Variants in SLC24A2 observed in about 807,000 individuals in gnomAD.
SLC24A2 encodes solute carrier family 24 member 2, also known as sodium/potassium/calcium exchanger 2.
A neutral mutation model predicts 62.0 loss-of-function variants in SLC24A2; 36 were observed. That is an observed-to-expected ratio of 0.58 (90% CI 0.44 to 0.77). The LOEUF (loss-of-function observed/expected upper bound fraction) is 0.77. SLC24A2 is among the 30% of genes least tolerant of loss of function. The pLI is 0.00. For missense variants in SLC24A2, 846 were observed against 817.9 expected, an observed-to-expected ratio of 1.03 and a Z score of -0.42; for synonymous variants, 358 against 294.0, an observed-to-expected ratio of 1.22 and a Z score of -2.23.
At chr9:20,307,160 G>C in the SLC24A2 span, among the ~76,000 whole-genome samples, 1 of 152,084 alleles carries the variant, frequency 6.6e-6, no homozygotes, top group African/African-American at 2.4e-5. Context: ...ATTTGTCACA[G>C]ATAGAAAGTA....
chr9:19,927,203 G>GT, the SLC24A2 span: 5 of 152,286 alleles, frequency 3.3e-5, no homozygotes, highest in Non-Finnish European at 5.9e-5. Context: ...AGCCGGCATC[G>GT]TAAGTCCCCA....
chr9:20,147,103 C>G, the SLC24A2 span, among the ~76,000 whole-genome samples: 1 of 152,162 alleles, frequency 6.6e-6, no homozygotes, highest in Non-Finnish European at 1.5e-5. Flanking sequence ...TCCTGGTTTA[C>G]TGTTTACCTT....
At chr9:19,658,569 G>A (rs777045197) in intron 2 of SLC24A2, among the ~76,000 whole-genome samples, 34 of 152,248 alleles carry the variant, frequency 2.2e-4, no homozygotes, top group Admixed American at 5.2e-4. Context: ...ACTGACACTC[G>A]GATAAGTTAA....
the SLC24A2 span, among the ~76,000 whole-genome samples, chr9:20,256,652 CT>C: frequency 6.6e-6 from 1 of 152,112 alleles, no homozygotes; most frequent in Non-Finnish European, 1.5e-5. Flanking sequence ...CCTAATCCAA[CT>C]GTGCAGTTCT....
At chr9:19,994,227 G>T in the SLC24A2 span, among the ~76,000 whole-genome samples, 1 of 152,158 alleles carries the variant, frequency 6.6e-6, no homozygotes, top group Non-Finnish European at 1.5e-5. Flanking sequence ...CATTATCTCA[G>T]CTGTCCTCTG....
chr9:20,167,554 G>C, the SLC24A2 span, among the ~76,000 whole-genome samples: 3 of 152,112 alleles, frequency 2.0e-5, no homozygotes, highest in South Asian at 6.2e-4. Context: ...AGCACACCTA[G>C]CACCCAAATC....
At chr9:19,889,039 C>T in the SLC24A2 span, among the ~76,000 whole-genome samples, 16 of 152,128 alleles carry the variant, frequency 1.1e-4, no homozygotes, top group African/African-American at 3.4e-4. Flanking sequence ...GAGCCCTGGC[C>T]CCAGACCATC....
intron 2 of SLC24A2, among the ~76,000 whole-genome samples, chr9:19,742,827 C>G (rs142523734): frequency 6.6e-6 from 1 of 152,142 alleles, no homozygotes; most frequent in Non-Finnish European, 1.5e-5. Context: ...TCTGGATCAA[C>G]TGGACTCTAA....
At chr9:19,837,403 G>C in the SLC24A2 span, among the ~76,000 whole-genome samples, 2 of 126,858 alleles carry the variant, frequency 1.6e-5, no homozygotes. Context: ...AGTGAGCCGA[G>C]ATTGCGCCAC....
intron 2 of SLC24A2, among the ~76,000 whole-genome samples, chr9:19,753,708 G>C (rs1822052189): frequency 6.6e-6 from 1 of 152,106 alleles, no homozygotes; most frequent in South Asian, 2.1e-4. Context: ...TTTAGAATAA[G>C]TTATATTCCT....
At chr9:19,731,292 T>A (rs1260451091) in intron 2 of SLC24A2, among the ~76,000 whole-genome samples, 1 of 152,206 alleles carries the variant, frequency 6.6e-6, no homozygotes, top group Non-Finnish European at 1.5e-5. Flanking sequence ...GTAAAATACA[T>A]TTCTTGTGAG....
chr9:20,275,334 A>T, the SLC24A2 span, among the ~76,000 whole-genome samples: 2 of 152,176 alleles, frequency 1.3e-5, no homozygotes, highest in Non-Finnish European at 2.9e-5. Flanking sequence ...AAGAAAAATC[A>T]CACACTCCTT....
chr9:19,554,379 A>G (rs1221291927), intron 7 of SLC24A2, among the ~76,000 whole-genome samples: 1 of 152,256 alleles, frequency 6.6e-6, no homozygotes, highest in Non-Finnish European at 1.5e-5. Context: ...TAAGCAATCT[A>G]GAGATGATTT....
At chr9:20,251,448 T>C in the SLC24A2 span, among the ~76,000 whole-genome samples, 2 of 152,214 alleles carry the variant, frequency 1.3e-5, no homozygotes, top group African/African-American at 4.8e-5. Flanking sequence ...CATAACTTTC[T>C]CTAAGTAGGG....
At chr9:20,028,388 C>T in the SLC24A2 span, among the ~76,000 whole-genome samples, 15 of 152,330 alleles carry the variant, frequency 9.8e-5, no homozygotes, top group Admixed American at 2.6e-4. Context: ...AACCTTCCTT[C>T]CTCCTCATTT....
At chr9:20,202,677 T>C in the SLC24A2 span, among the ~76,000 whole-genome samples, 2 of 152,244 alleles carry the variant, frequency 1.3e-5, no homozygotes, top group Non-Finnish European at 2.9e-5. Context: ...GAAAAGAATG[T>C]TCTGGGACTT....
intron 2 of SLC24A2, among the ~76,000 whole-genome samples, chr9:19,649,178 GT>G (rs1818730262): frequency 6.6e-6 from 1 of 152,090 alleles, no homozygotes; most frequent in Non-Finnish European, 1.5e-5. Context: ...GTGTTCAGAG[GT>G]TTGGAACTAT....
chr9:20,257,542 G>T, the SLC24A2 span, among the ~76,000 whole-genome samples: 1 of 152,150 alleles, frequency 6.6e-6, no homozygotes, highest in Non-Finnish European at 1.5e-5. Flanking sequence ...CTAGTGGCGT[G>T]TCATTGGGCC....
At chr9:20,143,803 C>A in the SLC24A2 span, among the ~76,000 whole-genome samples, 1 of 152,144 alleles carries the variant, frequency 6.6e-6, no homozygotes, top group Non-Finnish European at 1.5e-5. Flanking sequence ...ATTAACATTG[C>A]TTGTGGGTGG....
Sources: gnomAD v4.1 joint callset for allele counts (sites outside exome capture counted in the v4.1 genomes callset) on GRCh38, gnomAD v4.1.1 for gene constraint, MANE v1.5 for transcripts, NCBI Gene and HGNC (gene_info 2026-07-23, HGNC 2026-07-21) for gene names.